The following IGSF3 variants were observed in gnomAD, a reference collection of about 807,000 sequenced individuals.
IGSF3 encodes immunoglobulin superfamily member 3.
Under a neutral mutation model 114.4 loss-of-function variants are expected in IGSF3, and 23 were observed. That is an observed-to-expected ratio of 0.20 (90% CI 0.14 to 0.28). The LOEUF is 0.28. Ranked by LOEUF, IGSF3 falls within the 10% of genes least tolerant of loss-of-function variation. IGSF3 has a pLI of 1.00. For synonymous variants in IGSF3, 571 were observed against 645.2 expected (o/e 0.88, Z 1.74); for missense variants, 1,172 against 1,591.5 (o/e 0.74, Z 4.48).
rs151130929 is a variant in IGSF3, at chr1:116,593,137, A to G, written c.2030-4033T>C. ...TTGATCCTGACCACCTGTGGCCCTC[A>G]GGGTGCACGCCATGGATCTGCAGAT... On this transcript the variant is annotated intron_variant, in intron 7 of 10. Transcript: ENST00000369486. This position sits in a 1 kb window ranked among gnomAD's most constrained non-coding sequence, Gnocchi z 4.5. 3.1e-3 allele frequency among the ~76,000 whole-genome samples: 478 copies of G among 152,344 alleles called. 3 individuals are homozygous for G. Among genetic ancestry groups the G allele is most frequent in the African/African-American group, 0.011 (460 of 41,584 alleles).
rs753730141 is a variant in IGSF3 at position 116,582,086 on chromosome 1, T to G, written c.2849-2209A>C. On this transcript the variant is annotated intron_variant, in intron 9 of 10. Coordinates refer to ENST00000369486, the MANE Select transcript of IGSF3 (RefSeq NM_001007237.3). The surrounding 1 kb of genome is among the most constrained non-coding windows in gnomAD (Gnocchi z 4.7). The stretch of plus-strand genomic sequence containing the variant: ...CTTGTCTTCTAACCGCTTAACATTT[T>G]TCTTGGCCCCTTCAAATGCCTTGTC... 1.3e-5 allele frequency among the ~76,000 whole-genome samples: 2 copies of G among 152,190 alleles called. No homozygotes were observed. Among genetic ancestry groups the G allele is most frequent in the South Asian group, 4.1e-4 (2 of 4,828 alleles).
In IGSF3 at chr1:116,642,273, T is replaced by A. The variant is rs1648142630; in HGVS notation, c.43+24011A>T. ...ACGAAATTTTTTGGTAAAAGAATTA[T>A]CCTTAAGTGGGTATTTTTTCCCTAA... On this transcript the variant is annotated intron_variant, in intron 2 of 10. Coordinates refer to ENST00000369486, the MANE Select transcript of IGSF3 (RefSeq NM_001007237.3). This position sits in a 1 kb window ranked among gnomAD's most constrained non-coding sequence, Gnocchi z 5.4. Among the ~76,000 whole-genome samples the A allele has an allele frequency of 6.6e-6, 1 of 152,218 alleles. No homozygotes were observed. The highest frequency in any genetic ancestry group is 2.4e-5 in the African/African-American group (1 of 41,450).
intron 2 of IGSF3, among the ~76,000 whole-genome samples, chr1:116,660,942 T>C (rs1314778783): frequency 3.3e-5 from 5 of 152,220 alleles, no homozygotes; most frequent in Admixed American, 3.3e-4. Context: ...TTCCTTATCT[T>C]GATCAAGGAA....
rs199869830 is a variant in IGSF3, at chr1:116,588,968, G to C, written c.2166C>G (p.Pro722=). The change falls in exon 8 of 11, where the codon CCC becomes CCG. Residue 722 remains proline, a synonymous_variant. Transcript: ENST00000369486. The surrounding 1 kb of genome is among the most constrained non-coding windows in gnomAD (Gnocchi z 4.9). ...GGATAAGCTTGCCATCGGCATCCGA[G>C]GGCTTGTGGACATACCAGAGCACCG... is the stretch of plus-strand genomic sequence containing the variant. The part of the protein sequence containing the change: ...HFAVLWYVHK[P]SDADGKLILK... 1 of 1,614,208 alleles carries C rather than the reference G, an allele frequency of 6.2e-7. No homozygotes were observed. Among genetic ancestry groups the C allele is most frequent in the Non-Finnish European group, 8.5e-7 (1 of 1,180,028 alleles).
In IGSF3 at chr1:116,641,495, CAA is replaced by C. The variant is rs57930787; in HGVS notation, c.43+24787_43+24788del. Among the ~76,000 whole-genome samples the C allele has an allele frequency of 9.1e-3, 371 of 40,626 alleles. 1 individual carries two copies. The highest frequency in any genetic ancestry group is 0.028 in the African/African-American group (323 of 11,370). 26.7% of individuals were successfully genotyped at this position (40,626 alleles called of 152,430 possible). On this transcript the variant is annotated intron_variant, in intron 2 of 10. Coordinates refer to ENST00000369486, the MANE Select transcript of IGSF3 (RefSeq NM_001007237.3). ...TGGGCAACAGGGCAAGACTCTGTCT[CAA>C]AAAAAAAAAAAAAAAAAAAAAAGAA...
intron 4 of IGSF3, among the ~76,000 whole-genome samples, chr1:116,609,767 G>A (rs71666798): frequency 0.011 from 1,632 of 151,910 alleles, 17 homozygotes; most frequent in Non-Finnish European, 0.017. Context: ...CATTCATCCC[G>A]TCCTAGGCAC....
chr1:116,653,401 A>C (rs1001028538), intron 2 of IGSF3, among the ~76,000 whole-genome samples: 1 of 152,188 alleles, frequency 6.6e-6, no homozygotes, highest in African/African-American at 2.4e-5. Context: ...CACAGTCCTC[A>C]AGGCTCTCTC....
chr1:116,599,932 A>G lies in IGSF3; in HGVS notation c.2029+9T>C, dbSNP rs937137471. On this transcript the variant is annotated intron_variant, in intron 7 of 10. Transcript: ENST00000369486. ...ATGGGCACATAGCCCACAGGTCCGC[A>G]GCACTCACCTGGCTGCAGCACCCTG... 1 of 1,605,634 alleles carries G rather than the reference A, an allele frequency of 6.2e-7. No homozygotes were observed. Among genetic ancestry groups the G allele is most frequent in the African/African-American group, 1.3e-5 (1 of 74,802 alleles).
At chr1:116,621,096 G>A (rs934341440) in intron 2 of IGSF3, among the ~76,000 whole-genome samples, 4 of 152,110 alleles carry the variant, frequency 2.6e-5, no homozygotes, top group African/African-American at 9.7e-5. Flanking sequence ...AGTTCTCACA[G>A]TATCTAATTG....
rs1459219324 is a variant in IGSF3 at position 116,648,407 on chromosome 1, G to C, written c.43+17877C>G. ...CGGGAGATCACACACAGAGTAAGAG[G>C]TGCCTCTCAAATGCCTTTCCCACGT... is the stretch of plus-strand genomic sequence containing the variant. On this transcript the variant is annotated intron_variant, in intron 2 of 10. Coordinates refer to ENST00000369486, the MANE Select transcript of IGSF3 (RefSeq NM_001007237.3). The surrounding 1 kb of genome is among the most constrained non-coding windows in gnomAD (Gnocchi z 4.7). 6.6e-6 allele frequency among the ~76,000 whole-genome samples: 1 copy of C among 152,148 alleles called. No homozygotes were observed. The highest frequency in any genetic ancestry group is 1.5e-5 in the Non-Finnish European group (1 of 68,022).
rs1647702017 is a variant in IGSF3 at position 116,633,796 on chromosome 1, C to T, written c.44-17339G>A. On this transcript the variant is annotated intron_variant, in intron 2 of 10. Coordinates refer to ENST00000369486, the MANE Select transcript of IGSF3 (RefSeq NM_001007237.3). This position sits in a 1 kb window ranked among gnomAD's most constrained non-coding sequence, Gnocchi z 4.3. Reference sequence around the variant, plus strand: ...ATAGAAAGCAAAAATGAAAAGCCAACATAGAAAAAGTCTGACTTGAATTAG... The same window carrying T: ...ATAGAAAGCAAAAATGAAAAGCCAATATAGAAAAAGTCTGACTTGAATTAG... 6.6e-6 allele frequency among the ~76,000 whole-genome samples: 1 copy of T among 152,152 alleles called. No individual in the cohort carries two copies.
At position 116,589,661 on chromosome 1, in the gene IGSF3, C is replaced by A. The variant is rs79346058; in HGVS notation, c.2030-557G>T. Among the ~76,000 whole-genome samples, 1 of 152,114 alleles carries A rather than the reference C, an allele frequency of 6.6e-6. No individual in the cohort carries two copies. Among genetic ancestry groups the A allele is most frequent in the African/African-American group, 2.4e-5 (1 of 41,426 alleles). ...CACCCTGACCCTTCTCTCCACTTAT[C>A]CCTCATTCCCGTCCCCCTGGGCTCC... On this transcript the variant is annotated intron_variant, in intron 7 of 10. Transcript: ENST00000369486. This position sits in a 1 kb window ranked among gnomAD's most constrained non-coding sequence, Gnocchi z 5.7.
At position 116,638,017 on chromosome 1, in the gene IGSF3, C is replaced by G. The variant is rs1031667942; in HGVS notation, c.44-21560G>C. 3.3e-5 allele frequency among the ~76,000 whole-genome samples: 5 copies of G among 152,178 alleles called. No individual in the cohort carries two copies. Among genetic ancestry groups the G allele is most frequent in the African/African-American group, 1.2e-4 (5 of 41,426 alleles). ...GCCTATAAGTATATCGGATCGCTCT[C>G]CTTCTTGCTGGCATCCACAGTAACT... On this transcript the variant is annotated intron_variant, in intron 2 of 10. Coordinates refer to ENST00000369486, the MANE Select transcript of IGSF3 (RefSeq NM_001007237.3). The surrounding 1 kb of genome is among the most constrained non-coding windows in gnomAD (Gnocchi z 4.1).
chr1:116,597,205 A>G (rs1052266388), intron 7 of IGSF3, among the ~76,000 whole-genome samples: 10 of 152,212 alleles, frequency 6.6e-5, no homozygotes, highest in African/African-American at 2.2e-4. Flanking sequence ...AAAATGGGAA[A>G]GCAATATGTT....
chr1:116,658,002 G>C (rs1648939433), intron 2 of IGSF3, among the ~76,000 whole-genome samples: 2 of 151,846 alleles, frequency 1.3e-5, no homozygotes, highest in African/African-American at 4.8e-5. Context: ...AGTTTTGTTA[G>C]AATGTCTTTG....
chr1:116,627,398 G>A lies in IGSF3; in HGVS notation c.44-10941C>T, dbSNP rs1647339373. Reference sequence around the variant, plus strand: ...TCAGTCTGGGAGAAAGGTGTCTGCTGGATTTCAAACAGTCCCTCTACTGGC... The same window carrying A: ...TCAGTCTGGGAGAAAGGTGTCTGCTAGATTTCAAACAGTCCCTCTACTGGC... On this transcript the variant is annotated intron_variant, in intron 2 of 10. Coordinates refer to ENST00000369486, the MANE Select transcript of IGSF3 (RefSeq NM_001007237.3). This position sits in a 1 kb window ranked among gnomAD's most constrained non-coding sequence, Gnocchi z 4.7. Among the ~76,000 whole-genome samples the A allele has an allele frequency of 6.6e-6, 1 of 152,174 alleles. No individual in the cohort carries two copies. Among genetic ancestry groups the A allele is most frequent in the Non-Finnish European group, 1.5e-5 (1 of 68,034 alleles).
chr1:116,623,368 A>G (rs1339342053), intron 2 of IGSF3, among the ~76,000 whole-genome samples: 1 of 152,196 alleles, frequency 6.6e-6, no homozygotes, highest in African/African-American at 2.4e-5. Flanking sequence ...GCAAGGAGTT[A>G]GGGAGTAAAT....
chr1:116,645,827 G>C (rs1463409174), intron 2 of IGSF3, among the ~76,000 whole-genome samples: 1 of 152,208 alleles, frequency 6.6e-6, no homozygotes, highest in Non-Finnish European at 1.5e-5. Context: ...GGACCAGCAG[G>C]AGGACTCAGG....
Position 116,642,679 on chromosome 1 carries a change from G to T in IGSF3, c.43+23605C>A, listed in dbSNP as rs1406136911. ...CTGGGCGCTCCGAGGCTGTGGGCCG[G>T]TGTCCTGCCCTGAAGAGCTTGGCTG... On this transcript the variant is annotated intron_variant, in intron 2 of 10. Transcript: ENST00000369486. This position sits in a 1 kb window ranked among gnomAD's most constrained non-coding sequence, Gnocchi z 5.4. 6.6e-6 allele frequency among the ~76,000 whole-genome samples: 1 copy of T among 152,248 alleles called. No individual in the cohort carries two copies. Among genetic ancestry groups the T allele is most frequent in the Non-Finnish European group, 1.5e-5 (1 of 68,042 alleles).
Sources: gnomAD v4.1 joint callset for allele counts (sites outside exome capture counted in the v4.1 genomes callset) on GRCh38, gnomAD v4.1.1 for gene constraint, Gnocchi (gnomAD v3.1) non-coding constraint, MANE v1.5 for transcripts, NCBI Gene and HGNC (gene_info 2026-07-23, HGNC 2026-07-21) for gene names.